The following GFRA1 variants were observed in gnomAD, a reference collection of about 807,000 sequenced individuals.
GFRA1 encodes the protein GDNF family receptor alpha 1.
In GFRA1, 16 loss-of-function variants were observed where a neutral mutation model predicts 51.6. That is an observed-to-expected ratio of 0.31 (90% CI 0.21 to 0.47). GFRA1 has a LOEUF of 0.47. GFRA1 is among the 20% of genes least tolerant of loss of function. The pLI is 1.00. For missense variants in GFRA1, 530 were observed against 594.3 expected (o/e 0.89, Z 1.13); for synonymous variants, 270 against 241.3 (o/e 1.12, Z -1.10).
At chr10:116,219,016 A>T (rs1429302901) in intron 4 of GFRA1, among the ~76,000 whole-genome samples, 1 of 152,144 alleles carries the variant, frequency 6.6e-6, no homozygotes, top group Non-Finnish European at 1.5e-5. Context: ...AAAAAATAAA[A>T]AAAAAAGCCT....
intron 6 of GFRA1, among the ~76,000 whole-genome samples, chr10:116,123,206 G>A (rs1252967266): frequency 1.3e-5 from 2 of 152,126 alleles, no homozygotes; most frequent in African/African-American, 4.8e-5. Context: ...CTCTTTCTCA[G>A]GACCCTTCTG....
chr10:116,113,539 A>C (rs898621440), intron 6 of GFRA1, among the ~76,000 whole-genome samples: 7 of 152,246 alleles, frequency 4.6e-5, no homozygotes, highest in East Asian at 1.9e-4. Context: ...AATAAGAAGT[A>C]AAGTCACCAC....
intron 4 of GFRA1, among the ~76,000 whole-genome samples, chr10:116,231,076 A>C (rs1164797164): frequency 6.6e-6 from 1 of 152,210 alleles, no homozygotes; most frequent in African/African-American, 2.4e-5. Flanking sequence ...ACATTACTAC[A>C]TCTTTTGAAT....
intron 5 of GFRA1, among the ~76,000 whole-genome samples, chr10:116,192,987 T>A (rs901426027): frequency 8.5e-5 from 13 of 152,142 alleles, no homozygotes; most frequent in African/African-American, 3.1e-4. Context: ...GTACAACTCC[T>A]ACCCCCTCCA....
At chr10:116,142,232 A>G (rs1958603304) in intron 5 of GFRA1, among the ~76,000 whole-genome samples, 1 of 152,144 alleles carries the variant, frequency 6.6e-6, no homozygotes, top group African/African-American at 2.4e-5. Flanking sequence ...ACATCTCGGT[A>G]TTTTGGTGTG....
At chr10:116,228,023 G>T (rs1349360705) in intron 4 of GFRA1, among the ~76,000 whole-genome samples, 1 of 152,200 alleles carries the variant, frequency 6.6e-6, no homozygotes, top group African/African-American at 2.4e-5. Context: ...TGTGGCTTGA[G>T]GCATCTTCAA....
chr10:116,132,767 A>G (rs763638108), intron 5 of GFRA1, among the ~76,000 whole-genome samples: 2 of 152,182 alleles, frequency 1.3e-5, no homozygotes, highest in Non-Finnish European at 2.9e-5. Flanking sequence ...CCAGTGCACG[A>G]AAATACTACC....
At chr10:116,248,751 G>C (rs947177640) in intron 4 of GFRA1, among the ~76,000 whole-genome samples, 1 of 152,140 alleles carries the variant, frequency 6.6e-6, no homozygotes. Flanking sequence ...AAGAGCATGG[G>C]GTCTGTTTGA....
chr10:116,178,788 T>G (rs1961913169), intron 5 of GFRA1, among the ~76,000 whole-genome samples: 1 of 152,206 alleles, frequency 6.6e-6, no homozygotes, highest in African/African-American at 2.4e-5. Context: ...CCATCTGGTC[T>G]CTTCTAAAGA....
intron 6 of GFRA1, among the ~76,000 whole-genome samples, chr10:116,102,378 C>T (rs1002352933): frequency 2.0e-5 from 3 of 152,218 alleles, no homozygotes; most frequent in Middle Eastern, 3.4e-3. Flanking sequence ...GCAGATGGGA[C>T]AAGAGGGTAG....
chr10:116,131,491 G>A (rs1958100634), intron 5 of GFRA1, among the ~76,000 whole-genome samples: 1 of 152,106 alleles, frequency 6.6e-6, no homozygotes, highest in African/African-American at 2.4e-5. Flanking sequence ...AATCAAAACT[G>A]GAGACAGCCC....
rs1393034794 is a variant in GFRA1 at position 116,080,601 on chromosome 10, TTGAC to T, written c.1197+9136_1197+9139del. ...GAGGCGTTGTTGTATAATTAAGAAT[TTGAC>T]TGGCCTTTGTCCTTGGTTCCTGAGA... On this transcript the variant is annotated intron_variant, in intron 9 of 10. Transcript: ENST00000355422. Among the ~76,000 whole-genome samples the T allele has an allele frequency of 2.4e-3, 373 of 152,358 alleles. 1 individual carries two copies. The highest frequency in any genetic ancestry group is 8.2e-3 in the African/African-American group (339 of 41,592).
chr10:116,084,219 A>G (rs1955987177), intron 9 of GFRA1, among the ~76,000 whole-genome samples: 1 of 152,188 alleles, frequency 6.6e-6, no homozygotes, highest in African/African-American at 2.4e-5. Context: ...TGCCCTCTGC[A>G]TGGTTGATTT....
intron 5 of GFRA1, among the ~76,000 whole-genome samples, chr10:116,204,577 C>T (rs1022834651): frequency 2.0e-5 from 3 of 152,014 alleles, no homozygotes; most frequent in South Asian, 2.1e-4. Context: ...TCTTCTAGTG[C>T]CATAAGTATT....
intron 5 of GFRA1, among the ~76,000 whole-genome samples, chr10:116,194,046 A>C (rs1589860285): frequency 1.8e-5 from 2 of 112,722 alleles, no homozygotes; most frequent in African/African-American, 7.0e-5. Flanking sequence ...CTCAATAAAA[A>C]AAAATAAATA....
chr10:116,258,239 A>C (rs923836585), intron 4 of GFRA1, among the ~76,000 whole-genome samples: 5 of 151,868 alleles, frequency 3.3e-5, no homozygotes, highest in African/African-American at 1.2e-4. Flanking sequence ...TATCTGATGA[A>C]TGAATTTGGC....
chr10:116,243,585 A>C (rs1160784811), intron 4 of GFRA1, among the ~76,000 whole-genome samples: 1 of 151,786 alleles, frequency 6.6e-6, no homozygotes, highest in Non-Finnish European at 1.5e-5. Context: ...AAAAAAACAC[A>C]GGGAAACTGG....
intron 1 of GFRA1, 127 bp downstream of exon 1, chr10:116,273,036 A>C (rs979402435): frequency 9.9e-5 from 15 of 152,088 alleles, no homozygotes; most frequent in African/African-American, 3.4e-4. Context: ...CCCGGGCCCT[A>C]AAGTTGGGAG....
At position 116,271,360 on chromosome 10, in the gene GFRA1, A is replaced by G. The variant is rs925619742; in HGVS notation, c.41-245T>C. On this transcript the variant is annotated intron_variant, in intron 2 of 10. Coordinates refer to ENST00000355422, the MANE Select transcript of GFRA1 (RefSeq NM_005264.8). Reference sequence around the variant, plus strand: ...GCGCAGGCTCAGCCCGCGGGCTTCAAGGGTTTGCTCCAGAGCCTGCGCTGC... The same window carrying G: ...GCGCAGGCTCAGCCCGCGGGCTTCAGGGGTTTGCTCCAGAGCCTGCGCTGC... 4.2e-4 allele frequency among the ~76,000 whole-genome samples: 64 copies of G among 152,094 alleles called. 1 individual carries two copies. Among genetic ancestry groups the G allele is most frequent in the African/African-American group, 2.2e-4 (9 of 41,534 alleles).
Sources: gnomAD v4.1 joint callset for allele counts (sites outside exome capture counted in the v4.1 genomes callset) on GRCh38, gnomAD v4.1.1 for gene constraint, MANE v1.5 for transcripts, NCBI Gene and HGNC (gene_info 2026-07-23, HGNC 2026-07-21) for gene names.